The following NBEA variants were observed in gnomAD, a reference collection of about 807,000 sequenced individuals.
The protein encoded by NBEA is neurobeachin.
Under a neutral mutation model 343.4 loss-of-function variants are expected in NBEA, and 44 were observed. That is an observed-to-expected ratio of 0.13 (90% CI 0.10 to 0.16). NBEA has a LOEUF of 0.16. NBEA is among the 10% of genes least tolerant of loss of function. NBEA has a pLI of 1.00. For synonymous variants in NBEA, 1,175 were observed against 1,238.7 expected, an observed-to-expected ratio of 0.95 and a Z score of 1.08; for missense variants, 2,555 against 3,631.3, an observed-to-expected ratio of 0.70 and a Z score of 7.62.
chr13:35,628,003 A>C, intron 48 of NBEA, 78 bp from the exon 49 acceptor site: 1 of 1,104,120 alleles, frequency 9.1e-7, no homozygotes, highest in African/African-American at 1.6e-5. Flanking sequence ...TATATATTTC[A>C]AAGTAAAAAA....
At chr13:35,212,857 T>G (rs1000064074) in intron 33 of NBEA, among the ~76,000 whole-genome samples, 3 of 151,978 alleles carry the variant, frequency 2.0e-5, no homozygotes, top group Non-Finnish European at 4.4e-5. Context: ...CTCTAGTCCA[T>G]TTTTTTAAAT....
At chr13:35,066,522 G>A (rs951788523) in intron 8 of NBEA, among the ~76,000 whole-genome samples, 6 of 151,710 alleles carry the variant, frequency 4.0e-5, no homozygotes, top group African/African-American at 1.2e-4. Context: ...CTGATAATTG[G>A]CCCTTTTATC....
chr13:35,298,195 G>GTA (rs2036269943), intron 35 of NBEA, among the ~76,000 whole-genome samples: 1 of 14,696 alleles, frequency 6.8e-5, no homozygotes, highest in South Asian at 3.6e-3. Context: ...GTATGTGTGT[G>GTA]TGTGTGTGTG....
intron 34 of NBEA, among the ~76,000 whole-genome samples, chr13:35,234,364 G>T (rs531378941): frequency 1.3e-5 from 2 of 152,224 alleles, no homozygotes; most frequent in South Asian, 4.2e-4. Flanking sequence ...TTGCTTGGCC[G>T]CAGATTGTGT....
chr13:35,521,037 C>A (rs539643487), intron 41 of NBEA, among the ~76,000 whole-genome samples: 1 of 152,196 alleles, frequency 6.6e-6, no homozygotes, highest in Admixed American at 6.5e-5. Flanking sequence ...TTTCTGCTCT[C>A]ATTTTCCAGA....
chr13:35,022,902 A>G (rs1447109602), intron 1 of NBEA, among the ~76,000 whole-genome samples: 3 of 152,170 alleles, frequency 2.0e-5, no homozygotes, highest in Non-Finnish European at 4.4e-5. Context: ...GTTTCTGCTT[A>G]CATTTTTATC....
At chr13:35,670,224 G>A (rs2085545622) in intron 58 of NBEA, among the ~76,000 whole-genome samples, 2 of 152,128 alleles carry the variant, frequency 1.3e-5, no homozygotes, top group African/African-American at 4.8e-5. Context: ...GGACTGGGGA[G>A]GAATATCCCT....
chr13:35,172,739 A>T (rs887390235), intron 26 of NBEA, among the ~76,000 whole-genome samples: 4 of 152,098 alleles, frequency 2.6e-5, no homozygotes, highest in African/African-American at 7.2e-5. Flanking sequence ...TACTTTGTTC[A>T]TCCTCATTTT....
rs148796468 is a variant in NBEA at position 35,406,398 on chromosome 13, T to C, written c.6180-25871T>C. Reference sequence around the variant, plus strand: ...AGTGGTGATTTTCGAGATTTTGGTGTACCCATCACCGGAGCAGTGTACACT... The same window carrying C: ...AGTGGTGATTTTCGAGATTTTGGTGCACCCATCACCGGAGCAGTGTACACT... On this transcript the variant is annotated intron_variant, in intron 38 of 58. Transcript: ENST00000379939. Among the ~76,000 whole-genome samples the C allele has an allele frequency of 3.7e-3, 564 of 152,092 alleles. 7 individuals are homozygous for C. The highest frequency in any genetic ancestry group is 0.013 in the African/African-American group (532 of 41,490).
At chr13:35,366,047 A>G (rs569363609) in intron 38 of NBEA, among the ~76,000 whole-genome samples, 20 of 151,738 alleles carry the variant, frequency 1.3e-4, no homozygotes, top group Non-Finnish European at 2.4e-4. Context: ...TACATTGTAG[A>G]GAGAGAAGAC....
intron 1 of NBEA, among the ~76,000 whole-genome samples, chr13:34,954,430 C>A (rs2059433555): frequency 6.6e-6 from 1 of 152,142 alleles, no homozygotes; most frequent in Non-Finnish European, 1.5e-5. Context: ...TGGATATTTT[C>A]TCTCATCTTT....
At position 35,557,731 on chromosome 13, in the gene NBEA, C is replaced by T. The variant is rs140625269; in HGVS notation, c.6922+2629C>T. ...AGTCTAGATGAATAAGTGAAATACA[C>T]GTAAATAAGACATTTTAAGATGGCT... On this transcript the variant is annotated intron_variant, in intron 44 of 58. Coordinates refer to ENST00000379939, the MANE Select transcript of NBEA (RefSeq NM_001385012.1). Among the ~76,000 whole-genome samples, 21 of 152,060 alleles carry T rather than the reference C, an allele frequency of 1.4e-4. No individual in the cohort carries two copies. In the East Asian group the frequency reaches 3.1e-3, roughly 22 times the overall value.
At chr13:35,142,531 T>G (rs950518781) in intron 18 of NBEA, among the ~76,000 whole-genome samples, 154 bp downstream of exon 18, 1 of 152,184 alleles carries the variant, frequency 6.6e-6, no homozygotes, top group Admixed American at 6.5e-5. Context: ...TACCTTATAT[T>G]TTTATTTTAT....
At chr13:35,103,165 G>A (rs117398960) in intron 11 of NBEA, among the ~76,000 whole-genome samples, 2,701 of 151,630 alleles carry the variant, frequency 0.018, 26 homozygotes, top group Non-Finnish European at 0.025. Context: ...CAATTACATG[G>A]ATTATTTTTC....
At chr13:35,248,931 C>T (rs576400247) in intron 34 of NBEA, among the ~76,000 whole-genome samples, 2 of 152,198 alleles carry the variant, frequency 1.3e-5, no homozygotes, top group South Asian at 2.1e-4. Flanking sequence ...AGGCAGATCA[C>T]CTGAGGTCGG....
chr13:35,433,650 GTTATACA>G (rs1274311812), intron 39 of NBEA, among the ~76,000 whole-genome samples: 2 of 151,810 alleles, frequency 1.3e-5, no homozygotes, highest in Non-Finnish European at 2.9e-5. Flanking sequence ...TAAGATAAAA[GTTATACA>G]GTAACTTTAT....
At chr13:35,268,122 G>A (rs1318387252) in intron 34 of NBEA, among the ~76,000 whole-genome samples, 1 of 152,026 alleles carries the variant, frequency 6.6e-6, no homozygotes, top group African/African-American at 2.4e-5. Flanking sequence ...GTCCACTGAT[G>A]GAAGAATGAG....
At chr13:35,141,903 T>C (rs767617312) in intron 17 of NBEA, among the ~76,000 whole-genome samples, 1 of 152,232 alleles carries the variant, frequency 6.6e-6, no homozygotes, top group African/African-American at 2.4e-5. Context: ...TGTACAGGCA[T>C]GATTTAAAAA....
At chr13:35,656,214 C>A (rs55716308) in intron 55 of NBEA, among the ~76,000 whole-genome samples, 6,456 of 152,202 alleles carry the variant, frequency 0.042, 163 homozygotes, top group South Asian at 0.11. Flanking sequence ...AGTGAGTACC[C>A]CCTTCACATG....
Sources: gnomAD v4.1 joint callset for allele counts (sites outside exome capture counted in the v4.1 genomes callset) on GRCh38, gnomAD v4.1.1 for gene constraint, MANE v1.5 for transcripts, NCBI Gene and HGNC (gene_info 2026-07-23, HGNC 2026-07-21) for gene names.